Variants in USP4 observed in about 807,000 individuals in gnomAD.
USP4 encodes ubiquitin carboxyl-terminal hydrolase 4.
Under a neutral mutation model 118.2 loss-of-function variants are expected in USP4, and 72 were observed. The observed-to-expected ratio is 0.61, with a 90% CI of 0.50 to 0.74. The LOEUF is 0.74. Among genes scored for constraint, USP4 ranks in the 30% least tolerant of loss-of-function variants. The probability of loss-of-function intolerance (pLI) is 0.00; values close to 1 mark genes in which losing one functional copy is unlikely to be tolerated. For synonymous variants in USP4, 415 were observed against 440.4 expected (o/e 0.94, Z 0.72); for missense variants, 1,037 against 1,185.7 (o/e 0.87, Z 1.84).
intron 1 of USP4, among the ~76,000 whole-genome samples, chr3:49,335,862 GTCTT>G (rs906470895): frequency 9.2e-5 from 14 of 152,212 alleles, no homozygotes; most frequent in African/African-American, 2.2e-4. Flanking sequence ...TTTAAATGCA[GTCTT>G]TCTTTTTTTT....
chr3:49,322,873 GA>G (rs1056724616), intron 6 of USP4, among the ~76,000 whole-genome samples: 8 of 149,330 alleles, frequency 5.4e-5, no homozygotes, highest in African/African-American at 1.5e-4. Context: ...AAAAAAAAAA[GA>G]AAAAAAAATT....
At chr3:49,333,144 CT>C (rs376262745) in intron 2 of USP4, among the ~76,000 whole-genome samples, 308 of 138,772 alleles carry the variant, frequency 2.2e-3, no homozygotes, top group Middle Eastern at 3.8e-3. Context: ...TAGAGTAGCA[CT>C]TTTTTTTTTT....
At position 49,278,367 on chromosome 3, in the gene USP4, C is replaced by T. The variant is rs746850939; in HGVS notation, c.2818G>A (p.Asp940Asn). ...TPSLSSSGSSDGGTRPSSSQQ... is the reference protein window; with the variant it reads ...TPSLSSSGSSNGGTRPSSSQQ... ...GAGCTGCTTGGTCGTGTCCCTCCAT[C>T]AGAGGAACCAGAACTGCTAAGTGAA... The change falls in exon 22 of 22, where the codon GAT becomes AAT. Residue 940 changes from aspartate to asparagine, a missense_variant. Physicochemically the swap from Asp to Asn is conservative, Grantham distance 23. This residue lies in a region of USP4 where 522 missense variants were observed against 592.6 expected (regional missense o/e 0.88). Transcript: ENST00000265560. The T allele has an allele frequency of 6.2e-7, 1 of 1,614,002 alleles. No homozygotes were observed. The highest frequency in any genetic ancestry group is 8.5e-7 in the Non-Finnish European group (1 of 1,180,046).
intron 19 of USP4, among the ~76,000 whole-genome samples, chr3:49,281,668 C>T (rs1162192134): frequency 2.0e-5 from 3 of 147,982 alleles, no homozygotes; most frequent in Non-Finnish European, 4.4e-5. Flanking sequence ...GAGCCGAGAT[C>T]GTGCCATTGC....
At chr3:49,332,975 GT>G in intron 2 of USP4, among the ~76,000 whole-genome samples, 1 of 150,462 alleles carries the variant, frequency 6.6e-6, no homozygotes, top group Middle Eastern at 3.5e-3. Flanking sequence ...CAAGGTTGTA[GT>G]GAGGTGTGAT....
At chr3:49,330,435 C>A (rs1192351344) in intron 2 of USP4, among the ~76,000 whole-genome samples, 1 of 151,690 alleles carries the variant, frequency 6.6e-6, no homozygotes, top group African/African-American at 2.4e-5. Flanking sequence ...TCATGCTATT[C>A]TCCCGCCTCA....
intron 3 of USP4, among the ~76,000 whole-genome samples, chr3:49,326,544 C>T (rs2047557315): frequency 7.3e-6 from 1 of 136,618 alleles, no homozygotes; most frequent in African/African-American, 2.7e-5. Context: ...CTACAGGGGC[C>T]CACCATCATG....
intron 16 of USP4, 112 bp downstream of exon 16, chr3:49,285,986 C>T (rs1355730416): frequency 1.0e-6 from 1 of 999,414 alleles, no homozygotes; most frequent in Admixed American, 2.3e-5. Flanking sequence ...AGTGCTGCTC[C>T]TGGAGGCACA....
intron 14 of USP4, 40 bp from the exon 15 acceptor site, chr3:49,292,638 G>A (rs2047163349): frequency 7.2e-7 from 1 of 1,380,442 alleles, no homozygotes; most frequent in South Asian, 1.3e-5. Context: ...AAGATTGTTA[G>A]TTGTAACATT....
rs2047723383 is a variant in USP4 at position 49,340,009 on chromosome 3, C to T, written c.16G>A (p.Gly6Ser). MAEGGGCRERPDAETQ... is the reference protein window; with the variant it reads MAEGGSCRERPDAETQ... ...TCCGCATCCGGTCGCTCACGGCAGC[C>T]TCCACCTTCCGCCATCTCCTCCGCG... is the stretch of plus-strand genomic sequence containing the variant. The change falls in exon 1 of 22, where the codon GGC (glycine) becomes AGC (serine). Residue 6 changes from glycine to serine, a missense_variant. This residue lies in a region of USP4 where 487 missense variants were observed against 534.1 expected (regional missense o/e 0.91). Coordinates refer to ENST00000265560, the MANE Select transcript of USP4 (RefSeq NM_003363.4). 2 of 1,609,128 alleles carry T rather than the reference C, an allele frequency of 1.2e-6. No individual in the cohort carries two copies. The highest frequency in any genetic ancestry group is 1.7e-6 in the Non-Finnish European group (2 of 1,179,782).
At chr3:49,310,525 G>GACT in intron 8 of USP4, 95 bp downstream of exon 8, 1 of 1,022,798 alleles carries the variant, frequency 9.8e-7, no homozygotes, top group Non-Finnish European at 1.5e-6. Flanking sequence ...GGTAGGCAGG[G>GACT]ACTCCTGGGA....
intron 18 of USP4, 27 bp from the exon 19 acceptor site, chr3:49,284,163 G>A: frequency 6.2e-7 from 1 of 1,613,666 alleles, no homozygotes; most frequent in Non-Finnish European, 8.5e-7. Flanking sequence ...CCACTTAGCA[G>A]GGCAAGCCGG....
intron 2 of USP4, 105 bp downstream of exon 2, chr3:49,335,364 A>G (rs2047657805): frequency 1.4e-6 from 2 of 1,462,088 alleles, no homozygotes; most frequent in Non-Finnish European, 1.9e-6. Flanking sequence ...ACTTGTTTCT[A>G]TCTCCTCACA....
rs149607018 is a variant in USP4, at chr3:49,301,894, A to G, written c.1287+490T>C. On this transcript the variant is annotated intron_variant, in intron 10 of 21. Coordinates refer to ENST00000265560, the MANE Select transcript of USP4 (RefSeq NM_003363.4). ...AGGTATAAATGTCCTAATGATACTA[A>G]TAACAAATTAAGTAATCATGGATGG... 9.6e-3 allele frequency among the ~76,000 whole-genome samples: 1,455 copies of G among 152,222 alleles called. 23 individuals are homozygous for G. The highest frequency in any genetic ancestry group is 0.033 in the African/African-American group (1,383 of 41,518).
rs1377812385 is a variant in USP4, at chr3:49,311,747, C to G, written c.696-93G>C. 9 of 1,498,216 alleles carry G rather than the reference C, an allele frequency of 6.0e-6. No individual in the cohort carries two copies. In the East Asian group the frequency reaches 1.9e-4, roughly 32 times the overall value. The allele number at this position is 1,498,216 out of a possible 1,614,324, so 92.8% of individuals were successfully genotyped here. On this transcript the variant is annotated intron_variant, in intron 6 of 21. Coordinates refer to ENST00000265560, the MANE Select transcript of USP4 (RefSeq NM_003363.4). Reference sequence around the variant, plus strand: ...GGTTGCTTCTCAAGGAATAAATATTCTTCATATTAAGTTAAAATAAATTAC... The same window carrying G: ...GGTTGCTTCTCAAGGAATAAATATTGTTCATATTAAGTTAAAATAAATTAC...
At position 49,277,972 on chromosome 3, in the gene USP4, C is replaced by T. The variant is rs754635309; in HGVS notation, c.*321G>A. ...GTGGGTCTCCAGGCTGCTCCATACT[C>T]AGCGCCTGTGTTCCTCTCCATTCTT... On this transcript the variant is annotated 3_prime_UTR_variant, in exon 22 of 22. Coordinates refer to ENST00000265560, the MANE Select transcript of USP4 (RefSeq NM_003363.4). The T allele has an allele frequency of 9.3e-6, 4 of 429,044 alleles. No individual in the cohort carries two copies. Among genetic ancestry groups the T allele is most frequent in the Non-Finnish European group, 1.6e-5 (4 of 245,670 alleles). 26.6% of individuals were successfully genotyped at this position (429,044 alleles called of 1,614,324 possible).
chr3:49,283,206 G>T (rs1291911952), intron 19 of USP4, among the ~76,000 whole-genome samples: 1 of 149,928 alleles, frequency 6.7e-6, no homozygotes, highest in African/African-American at 2.5e-5. Flanking sequence ...AGTAGAGATG[G>T]GGTTTCACCA....
intron 6 of USP4, chr3:49,312,675 C>T: frequency 3.0e-6 from 1 of 338,538 alleles, no homozygotes; most frequent in South Asian, 2.3e-5. Flanking sequence ...GCCTGTAGTC[C>T]CAGCTACTGG....
At chr3:49,317,247 A>G in intron 6 of USP4, 1 of 1,541,606 alleles carries the variant, frequency 6.5e-7, no homozygotes, top group East Asian at 2.3e-5. Flanking sequence ...TGCAAGAGGC[A>G]ATCTTGCGTG....
Sources: gnomAD v4.1 joint callset for allele counts (sites outside exome capture counted in the v4.1 genomes callset) on GRCh38, gnomAD v4.1.1 for gene constraint, gnomAD v4.1.1 regional missense constraint, MANE v1.5 for transcripts, NCBI Gene and HGNC (gene_info 2026-07-23, HGNC 2026-07-21) for gene names.